Variants in NKAIN2 observed in about 807,000 individuals in gnomAD.
The protein encoded by NKAIN2 is sodium/potassium transporting ATPase interacting 2.
Under a neutral mutation model 32.6 loss-of-function variants are expected in NKAIN2, and 14 were observed. That is an observed-to-expected ratio of 0.43 (90% CI 0.28 to 0.67). The LOEUF is 0.67. NKAIN2 is among the 30% of genes least tolerant of loss of function. NKAIN2 has a pLI of 0.17. For missense variants in NKAIN2, 198 were observed against 258.3 expected, an observed-to-expected ratio of 0.77 and a Z score of 1.60; for synonymous variants, 80 against 87.2, an observed-to-expected ratio of 0.92 and a Z score of 0.46.
At chr6:123,935,158 C>A in intron 1 of NKAIN2, among the ~76,000 whole-genome samples, 1 of 145,816 alleles carries the variant, frequency 6.9e-6, no homozygotes, top group African/African-American at 2.5e-5. Context: ...ATATTAAATA[C>A]ATATATTTAA....
intron 3 of NKAIN2, among the ~76,000 whole-genome samples, chr6:124,655,407 T>C (rs1784505803): frequency 6.6e-6 from 1 of 151,850 alleles, no homozygotes; most frequent in Non-Finnish European, 1.5e-5. Flanking sequence ...GACAAGACTC[T>C]TTTTTTTGGC....
chr6:124,011,909 CA>C (rs1725675798), intron 1 of NKAIN2, among the ~76,000 whole-genome samples: 1 of 152,106 alleles, frequency 6.6e-6, no homozygotes, highest in African/African-American at 2.4e-5. Flanking sequence ...TTATGAACAT[CA>C]ATGGGCTTTT....
In NKAIN2 at chr6:124,217,799, A is replaced by G. The variant is rs1316929814; in HGVS notation, c.55-65206A>G. 4.0e-5 allele frequency among the ~76,000 whole-genome samples: 6 copies of G among 151,698 alleles called. No homozygotes were observed. In the East Asian group the frequency reaches 1.2e-3, roughly 29 times the overall value. ...TATATATATATGTACACACACACACATATACACACACACACATATCTATAT... is the reference window on the plus strand; with the variant it reads ...TATATATATATGTACACACACACACGTATACACACACACACATATCTATAT... On this transcript the variant is annotated intron_variant, in intron 1 of 6. Transcript: ENST00000368417.
At chr6:124,324,089 C>G (rs1022154104) in intron 2 of NKAIN2, among the ~76,000 whole-genome samples, 1 of 152,040 alleles carries the variant, frequency 6.6e-6, no homozygotes, top group Admixed American at 6.5e-5. Context: ...CTGCACCAGG[C>G]CTTCTTCTAA....
At chr6:123,899,588 A>T (rs1774456836) in intron 1 of NKAIN2, among the ~76,000 whole-genome samples, 1 of 152,172 alleles carries the variant, frequency 6.6e-6, no homozygotes, top group Admixed American at 6.5e-5. Context: ...CACCTCATGC[A>T]CTGGTAAATG....
At chr6:124,211,329 C>T (rs1435339301) in intron 1 of NKAIN2, among the ~76,000 whole-genome samples, 5 of 151,764 alleles carry the variant, frequency 3.3e-5, no homozygotes, top group African/African-American at 9.7e-5. Context: ...AGTGGGTATT[C>T]AGAAGGTGTT....
intron 2 of NKAIN2, among the ~76,000 whole-genome samples, chr6:124,332,211 A>ATG (rs752363149): frequency 3.4e-4 from 52 of 151,482 alleles, no homozygotes; most frequent in Middle Eastern, 3.4e-3. Flanking sequence ...ATGCATATAT[A>ATG]TGTGTGTGTG....
At chr6:124,316,261 A>G (rs1386021193) in intron 2 of NKAIN2, among the ~76,000 whole-genome samples, 3 of 152,098 alleles carry the variant, frequency 2.0e-5, no homozygotes, top group Admixed American at 6.6e-5. Flanking sequence ...GTGCACACCT[A>G]TTATGTATCC....
chr6:124,709,358 T>C (rs940045084), intron 4 of NKAIN2, among the ~76,000 whole-genome samples: 10 of 150,940 alleles, frequency 6.6e-5, no homozygotes, highest in Admixed American at 6.6e-4. Context: ...CCTCATAAAA[T>C]GAGTTAGGGA....
chr6:123,933,004 A>G (rs1776326717), intron 1 of NKAIN2, among the ~76,000 whole-genome samples: 1 of 152,044 alleles, frequency 6.6e-6, no homozygotes, highest in Admixed American at 6.5e-5. Context: ...CGACATACCT[A>G]TCTCCTCAAA....
chr6:124,532,623 A>G (rs955642505), intron 3 of NKAIN2, among the ~76,000 whole-genome samples: 1 of 152,158 alleles, frequency 6.6e-6, no homozygotes, highest in Non-Finnish European at 1.5e-5. Context: ...GGTCCCGCCT[A>G]TTTAGGCTCC....
At chr6:124,343,058 A>G (rs1379871702) in intron 2 of NKAIN2, among the ~76,000 whole-genome samples, 2 of 133,322 alleles carry the variant, frequency 1.5e-5, no homozygotes, top group African/African-American at 2.9e-5. Flanking sequence ...TTCAATTCCC[A>G]TCTATGAGTG....
chr6:124,414,203 C>A (rs1562168948), intron 3 of NKAIN2, among the ~76,000 whole-genome samples: 1 of 151,942 alleles, frequency 6.6e-6, no homozygotes. Flanking sequence ...GAAGAAGTTT[C>A]CTTCTGTTTC....
intron 1 of NKAIN2, among the ~76,000 whole-genome samples, chr6:124,258,526 A>G (rs2753134): frequency 0.35 from 52,944 of 152,022 alleles, 11,388 homozygotes; most frequent in African/African-American, 0.6. Flanking sequence ...AAACTATGTA[A>G]TATCTAATAA....
intron 3 of NKAIN2, among the ~76,000 whole-genome samples, chr6:124,530,091 A>C (rs1279124886): frequency 6.6e-6 from 1 of 152,212 alleles, no homozygotes; most frequent in Non-Finnish European, 1.5e-5. Context: ...TAGGATATAC[A>C]CAGTTGACCC....
Position 124,002,149 on chromosome 6 carries a change from T to G in NKAIN2, c.54+197895T>G, listed in dbSNP as rs150307453. On this transcript the variant is annotated intron_variant, in intron 1 of 6. Coordinates refer to ENST00000368417, the MANE Select transcript of NKAIN2 (RefSeq NM_001040214.3). Reference sequence around the variant, plus strand: ...AATTATAACCAAGTTCTATTGATATTTCTCCTGCATTCCACCTCTGATAAT... The same window carrying G: ...AATTATAACCAAGTTCTATTGATATGTCTCCTGCATTCCACCTCTGATAAT... 1.1e-3 allele frequency among the ~76,000 whole-genome samples: 171 copies of G among 152,216 alleles called. 1 individual carries two copies. In the East Asian group the frequency reaches 0.025, roughly 22 times the overall value.
chr6:124,491,956 A>G (rs1163913971), intron 3 of NKAIN2, among the ~76,000 whole-genome samples: 2 of 151,978 alleles, frequency 1.3e-5, no homozygotes, highest in Non-Finnish European at 1.5e-5. Context: ...TACAACAGAA[A>G]TGCGTTACTC....
At chr6:124,024,564 G>A (rs929758422) in intron 1 of NKAIN2, among the ~76,000 whole-genome samples, 2 of 151,622 alleles carry the variant, frequency 1.3e-5, no homozygotes, top group African/African-American at 4.9e-5. Flanking sequence ...TGGACACTTA[G>A]GCTCATTTTT....
intron 3 of NKAIN2, among the ~76,000 whole-genome samples, chr6:124,380,874 A>T (rs991240529): frequency 6.6e-6 from 1 of 152,212 alleles, no homozygotes; most frequent in Admixed American, 6.5e-5. Flanking sequence ...TTTCAGTTTA[A>T]AATACCATGA....
Sources: gnomAD v4.1 joint callset for allele counts (sites outside exome capture counted in the v4.1 genomes callset) on GRCh38, gnomAD v4.1.1 for gene constraint, MANE v1.5 for transcripts, NCBI Gene and HGNC (gene_info 2026-07-23, HGNC 2026-07-21) for gene names.